Variants in ROBO1 observed in about 807,000 individuals in gnomAD.
The protein encoded by ROBO1 is roundabout guidance receptor 1.
A neutral mutation model predicts 195.9 loss-of-function variants in ROBO1; 149 were observed. The ratio of observed to expected loss-of-function variants is 0.76; its 90% CI spans 0.67 to 0.87. The LOEUF (loss-of-function observed/expected upper bound fraction) is 0.87. Ranked by LOEUF, ROBO1 falls within the 40% of genes least tolerant of loss-of-function variation. The pLI is 0.00. For synonymous variants in ROBO1, 816 were observed against 733.2 expected (o/e 1.11, Z -1.82); for missense variants, 1,933 against 2,068.3 (o/e 0.93, Z 1.27).
chr3:79,189,351 A>C (rs1176006481), intron 2 of ROBO1, among the ~76,000 whole-genome samples: 2 of 151,786 alleles, frequency 1.3e-5, no homozygotes, highest in African/African-American at 4.8e-5. Flanking sequence ...CTGGATGATA[A>C]TTTTCTTTGA....
chr3:79,576,991 T>G (rs1240814430), intron 2 of ROBO1, among the ~76,000 whole-genome samples: 1 of 152,172 alleles, frequency 6.6e-6, no homozygotes, highest in African/African-American at 2.4e-5. Flanking sequence ...AAACTCCTTG[T>G]TTCTTAAACA....
At chr3:78,674,599 T>C (rs1708281135) in intron 10 of ROBO1, among the ~76,000 whole-genome samples, 2 of 152,148 alleles carry the variant, frequency 1.3e-5, no homozygotes, top group Non-Finnish European at 2.9e-5. Flanking sequence ...AAACAGGACA[T>C]TTAGTGTTGA....
chr3:78,662,131 A>G lies in ROBO1; in HGVS notation c.1967-17T>C. 2 of 1,552,328 alleles carry G rather than the reference A, an allele frequency of 1.3e-6. No homozygotes were observed. Among genetic ancestry groups the G allele is most frequent in the South Asian group, 1.2e-5 (1 of 83,972 alleles). On this transcript the variant is annotated splice_polypyrimidine_tract_variant and intron_variant, in intron 14 of 30. Coordinates refer to ENST00000464233, the MANE Select transcript of ROBO1 (RefSeq NM_002941.4). Reference sequence around the variant, plus strand: ...GTAGGACATCTACAACAAGTCAAGAAAACTGTGTCAGGGTCTGCACAACGT... The same window carrying G: ...GTAGGACATCTACAACAAGTCAAGAGAACTGTGTCAGGGTCTGCACAACGT...
chr3:79,481,995 A>C (rs2107385015), intron 2 of ROBO1, among the ~76,000 whole-genome samples: 1 of 152,284 alleles, frequency 6.6e-6, no homozygotes, highest in African/African-American at 2.4e-5. Context: ...TTGCCTTAAA[A>C]GTTTTCACAT....
intron 2 of ROBO1, among the ~76,000 whole-genome samples, chr3:79,130,103 G>A (rs572760844): frequency 2.6e-3 from 67 of 25,990 alleles, no homozygotes; most frequent in African/African-American, 8.9e-3. Context: ...ATAGTTTGAA[G>A]TCAGGTAGTG....
rs796965265 is a variant in ROBO1, at chr3:78,960,997, T to C, written c.173-22070A>G. ...TGCAATACGCTGTATGTATAGCCAA[T>C]TGGAATCTTATTTATGCCACTTTTC... On this transcript the variant is annotated intron_variant, in intron 3 of 30. Transcript: ENST00000464233. Among the ~76,000 whole-genome samples the C allele has an allele frequency of 4.6e-5, 7 of 152,280 alleles. 1 individual carries two copies. Among genetic ancestry groups the C allele is most frequent in the African/African-American group, 1.7e-4 (7 of 41,544 alleles).
At chr3:78,621,609 TAC>T in intron 26 of ROBO1, among the ~76,000 whole-genome samples, 1 of 152,348 alleles carries the variant, frequency 6.6e-6, no homozygotes, top group African/African-American at 2.4e-5. Context: ...AAATATGTAA[TAC>T]ATTCTATTGG....
At chr3:79,309,808 TA>T (rs1173182571) in intron 2 of ROBO1, among the ~76,000 whole-genome samples, 1 of 152,136 alleles carries the variant, frequency 6.6e-6, no homozygotes, top group African/African-American at 2.4e-5. Context: ...CAGAAGCATT[TA>T]AAGAAACAGA....
chr3:79,229,203 T>C lies in ROBO1; in HGVS notation c.89-103664A>G, dbSNP rs533384465. On this transcript the variant is annotated intron_variant, in intron 2 of 30. Transcript: ENST00000464233. ...ATTTAAACAATTCTAAATGCATTGC[T>C]TTATTTTAATAATGTTTGGTAGACA... 3.9e-5 allele frequency among the ~76,000 whole-genome samples: 6 copies of C among 152,296 alleles called. No homozygotes were observed. The East Asian group carries it at 1.2e-3, about 29-fold the overall frequency.
intron 3 of ROBO1, among the ~76,000 whole-genome samples, chr3:78,963,090 G>GATATATATATATATATAT (rs71127370): frequency 6.9e-6 from 1 of 145,666 alleles, no homozygotes; most frequent in Non-Finnish European, 1.5e-5. Context: ...TCTCATACTT[G>GATATATATATATATATAT]ATATATATAT....
At chr3:78,702,917 T>C (rs2081453811) in intron 8 of ROBO1, among the ~76,000 whole-genome samples, 1 of 152,248 alleles carries the variant, frequency 6.6e-6, no homozygotes, top group Admixed American at 6.5e-5. Context: ...TGTACCTGAC[T>C]GCTCGACTTA....
At chr3:79,314,103 C>A (rs1013908065) in intron 2 of ROBO1, among the ~76,000 whole-genome samples, 2 of 152,182 alleles carry the variant, frequency 1.3e-5, no homozygotes, top group Non-Finnish European at 2.9e-5. Flanking sequence ...CTGATTCTAT[C>A]TAGGTCTCAT....
chr3:79,703,568 A>G (rs1231770107), intron 1 of ROBO1, among the ~76,000 whole-genome samples: 3 of 151,940 alleles, frequency 2.0e-5, no homozygotes, highest in Non-Finnish European at 2.9e-5. Context: ...TCATTACAAT[A>G]AAAATAGCTA....
At chr3:79,421,692 C>T (rs1057275608) in intron 2 of ROBO1, among the ~76,000 whole-genome samples, 2 of 152,112 alleles carry the variant, frequency 1.3e-5, no homozygotes, top group African/African-American at 4.8e-5. Flanking sequence ...GGTAACAATA[C>T]TATCTGATTT....
At chr3:79,419,046 G>A (rs894318968) in intron 2 of ROBO1, among the ~76,000 whole-genome samples, 1 of 152,108 alleles carries the variant, frequency 6.6e-6, no homozygotes, top group Non-Finnish European at 1.5e-5. Context: ...AGAGGGCCAT[G>A]TGTGGCTGGA....
chr3:79,622,806 C>A (rs546670591), intron 1 of ROBO1, among the ~76,000 whole-genome samples: 1 of 152,200 alleles, frequency 6.6e-6, no homozygotes, highest in Admixed American at 6.5e-5. Flanking sequence ...ACCCCCTCCA[C>A]CAAAGGACAA....
At chr3:79,072,312 G>A (rs1202166066) in intron 3 of ROBO1, among the ~76,000 whole-genome samples, 1 of 151,822 alleles carries the variant, frequency 6.6e-6, no homozygotes, top group Non-Finnish European at 1.5e-5. Context: ...ATACATGTTA[G>A]TTTGGCACAC....
At chr3:79,129,460 T>G (rs141660583) in intron 2 of ROBO1, among the ~76,000 whole-genome samples, 3 of 152,190 alleles carry the variant, frequency 2.0e-5, no homozygotes, top group Admixed American at 2.0e-4. Context: ...AAACAGTATA[T>G]AAGTGGACAA....
chr3:78,747,881 G>A (rs566974010), intron 4 of ROBO1, among the ~76,000 whole-genome samples: 1 of 152,234 alleles, frequency 6.6e-6, no homozygotes, highest in South Asian at 2.1e-4. Flanking sequence ...TGGCATGTTA[G>A]TCTTAAATAC....
Sources: gnomAD v4.1 joint callset for allele counts (sites outside exome capture counted in the v4.1 genomes callset) on GRCh38, gnomAD v4.1.1 for gene constraint, MANE v1.5 for transcripts, NCBI Gene and HGNC (gene_info 2026-07-23, HGNC 2026-07-21) for gene names.